ANXA3: variants seen among roughly 807,000 people sequenced by gnomAD.
ANXA3 encodes the protein annexin A3, also known as 35-alpha calcimedin.
Under a neutral mutation model 48.8 loss-of-function variants are expected in ANXA3, and 46 were observed. The observed-to-expected ratio is 0.94, with a 90% CI of 0.74 to 1.21. ANXA3 has a LOEUF of 1.21. Ranked by LOEUF, ANXA3 falls within the 50% of genes most tolerant of loss-of-function variation. The pLI, the probability that ANXA3 is intolerant of heterozygous loss-of-function variation, is 0.00. For missense variants in ANXA3, 383 were observed against 378.6 expected, an observed-to-expected ratio of 1.01 and a Z score of -0.10; for synonymous variants, 128 against 134.7, an observed-to-expected ratio of 0.95 and a Z score of 0.35.
chr4:78,568,788 G>C (rs1722782010), intron 2 of ANXA3, among the ~76,000 whole-genome samples: 1 of 152,150 alleles, frequency 6.6e-6, no homozygotes, highest in South Asian at 2.1e-4. Flanking sequence ...GTGGCTTCAA[G>C]GTGTCATGTG....
intron 7 of ANXA3, among the ~76,000 whole-genome samples, chr4:78,594,568 T>C (rs577926599): frequency 6.6e-6 from 1 of 152,376 alleles, no homozygotes; most frequent in East Asian, 1.9e-4. Flanking sequence ...TGTTTTGGAT[T>C]TAAGCCCTTC....
intron 11 of ANXA3, chr4:78,603,493 G>A (rs1215199970): frequency 1.3e-5 from 2 of 152,098 alleles, no homozygotes; most frequent in Admixed American, 6.5e-5. Flanking sequence ...TTCTAAGGAT[G>A]GCCATCATCA....
rs79650308 is a variant in ANXA3, at chr4:78,570,534, T to G, written c.16-2646T>G. 9.1e-4 allele frequency among the ~76,000 whole-genome samples: 139 copies of G among 152,350 alleles called. 1 individual carries two copies. The highest frequency in any genetic ancestry group is 3.2e-3 in the African/African-American group (133 of 41,570). ...CATATGATTCAGTATATAGAAGGTG[T>G]GTCCTGGTCATATACATTTAAAGTA... On this transcript the variant is annotated intron_variant, in intron 2 of 12. Transcript: ENST00000264908.
chr4:78,582,230 G>C lies in ANXA3; in HGVS notation c.252G>C (p.Met84Ile), dbSNP rs1723087308. 5 of 1,613,716 alleles carry C rather than the reference G, an allele frequency of 3.1e-6. No individual in the cohort carries two copies. In the African/African-American group the frequency reaches 5.3e-5, roughly 17 times the overall value. ...TCTCTGGCCACTTTGAGCATCTCAT[G>C]GTGGCCCTAGTGACTCCACCAGCAG... The part of the protein sequence containing the change: ...GDLSGHFEHL[M>I]VALVTPPAVF... The change falls in exon 5 of 13, where the codon ATG becomes ATC. Residue 84 changes from methionine (M) to isoleucine (I), a missense_variant. By Grantham distance (10) the Met-to-Ile change is conservative. Coordinates refer to ENST00000264908, the MANE Select transcript of ANXA3 (RefSeq NM_005139.3).
chr4:78,595,540 CTTTTT>C, intron 8 of ANXA3, 103 bp downstream of exon 8: 1 of 991,518 alleles, frequency 1.0e-6, no homozygotes. Context: ...AGGGACTTTT[CTTTTT>C]TTTTTTTTCC....
intron 7 of ANXA3, 47 bp from the exon 8 acceptor site, chr4:78,595,334 A>C (rs369599553): frequency 3.1e-6 from 5 of 1,600,990 alleles, no homozygotes; most frequent in African/African-American, 1.3e-5. Context: ...ATGTGTTAGA[A>C]TCTTCTATCT....
intron 2 of ANXA3, among the ~76,000 whole-genome samples, chr4:78,557,111 T>C (rs562880470): frequency 3.5e-4 from 54 of 152,298 alleles, no homozygotes; most frequent in Non-Finnish European, 6.8e-4. Flanking sequence ...GTTGGTAGAA[T>C]TTAGTTCCTT....
intron 7 of ANXA3, 133 bp from the exon 8 acceptor site, chr4:78,595,248 T>C (rs1158271946): frequency 6.4e-6 from 6 of 934,188 alleles, no homozygotes; most frequent in East Asian, 2.5e-5. Context: ...ACTGGAGCCC[T>C]GAGTACATGA....
intron 12 of ANXA3, among the ~76,000 whole-genome samples, chr4:78,605,109 T>A (rs1723620910): frequency 2.0e-5 from 3 of 152,178 alleles, no homozygotes; most frequent in Admixed American, 2.0e-4. Context: ...GCACAGAGGG[T>A]ATTTTCAAAC....
intron 3 of ANXA3, among the ~76,000 whole-genome samples, chr4:78,577,215 A>G (rs1321068573): frequency 6.6e-6 from 1 of 152,214 alleles, no homozygotes; most frequent in Non-Finnish European, 1.5e-5. Context: ...TGATAAGGAC[A>G]CAGGAGCAGA....
intron 4 of ANXA3, 24 bp downstream of exon 4, chr4:78,579,145 G>T: frequency 2.0e-6 from 3 of 1,510,252 alleles, no homozygotes; most frequent in Non-Finnish European, 2.8e-6. Flanking sequence ...AACATGACAG[G>T]CAGTAAAGAG....
At chr4:78,603,169 C>T (rs1308195626) in intron 11 of ANXA3, 1 of 152,180 alleles carries the variant, frequency 6.6e-6, no homozygotes, top group Non-Finnish European at 1.5e-5. Flanking sequence ...TGTCTGTCTC[C>T]ATCTACTAGA....
In ANXA3 at chr4:78,588,656, G is replaced by A. The variant is rs553926318; in HGVS notation, c.403+2306G>A. Among the ~76,000 whole-genome samples, 184 of 152,146 alleles carry A rather than the reference G, an allele frequency of 1.2e-3. 1 individual carries two copies. The highest frequency in any genetic ancestry group is 1.7e-3 in the Non-Finnish European group (113 of 67,980). On this transcript the variant is annotated intron_variant, in intron 6 of 12. Transcript: ENST00000264908. ...TAGGTACTGGAGCCAGTACCTACAC[G>A]GGGGTCAAAGTGACTTTTTCTAGGA...
At chr4:78,579,395 C>T (rs1478007166) in intron 4 of ANXA3, among the ~76,000 whole-genome samples, 79 of 152,256 alleles carry the variant, frequency 5.2e-4, no homozygotes, top group Non-Finnish European at 1.6e-4. Context: ...AGTGATTTTG[C>T]TCCCCAGGGG....
chr4:78,575,355 C>A, intron 3 of ANXA3, among the ~76,000 whole-genome samples: 1 of 151,988 alleles, frequency 6.6e-6, no homozygotes, highest in African/African-American at 2.4e-5. Flanking sequence ...TGTCCCCACC[C>A]AAATCTCATC....
rs770933204 is a variant in ANXA3 at position 78,595,362 on chromosome 4, T to C, written c.484-19T>C. 3.1e-6 allele frequency: 5 copies of C among 1,613,756 alleles called. No homozygotes were observed. Among genetic ancestry groups the C allele is most frequent in the Non-Finnish European group, 2.5e-6 (3 of 1,179,736 alleles). ...TTCTATCTTTAAAGGATGGCCCTTG[T>C]TTTCGTCCTCCTGTTTAGGGCAGAA... On this transcript the variant is annotated intron_variant, in intron 7 of 12. Transcript: ENST00000264908.
At chr4:78,558,619 GT>G (rs1722565672) in intron 2 of ANXA3, among the ~76,000 whole-genome samples, 1 of 152,166 alleles carries the variant, frequency 6.6e-6, no homozygotes. Context: ...GGTTTCTTAG[GT>G]CTTTTATATT....
chr4:78,567,165 G>A (rs536146738), intron 2 of ANXA3, among the ~76,000 whole-genome samples: 10 of 152,314 alleles, frequency 6.6e-5, no homozygotes, highest in Non-Finnish European at 1.3e-4. Flanking sequence ...TGTAGGAACC[G>A]CTTGGTTACC....
intron 1 of ANXA3, chr4:78,552,362 C>T (rs1293838889): frequency 5.9e-5 from 9 of 152,236 alleles, no homozygotes; most frequent in Admixed American, 5.2e-4. Context: ...ATCTTCTCCC[C>T]CTCACATAGG....
Sources: gnomAD v4.1 joint callset for allele counts (sites outside exome capture counted in the v4.1 genomes callset) on GRCh38, gnomAD v4.1.1 for gene constraint, MANE v1.5 for transcripts, NCBI Gene and HGNC (gene_info 2026-07-23, HGNC 2026-07-21) for gene names.